Variants in GPHN observed in about 807,000 individuals in gnomAD.
GPHN encodes gephyrin.
In GPHN, 17 loss-of-function variants were observed where a neutral mutation model predicts 95.5. The observed-to-expected ratio is 0.18, with a 90% CI of 0.12 to 0.27. GPHN has a LOEUF of 0.27. GPHN is among the 10% of genes least tolerant of loss of function. The pLI is 1.00. For synonymous variants in GPHN, 320 were observed against 322.5 expected (o/e 0.99, Z 0.08); for missense variants, 660 against 978.1 (o/e 0.67, Z 4.34).
At chr14:67,563,147 C>T in the GPHN span, among the ~76,000 whole-genome samples, 1 of 152,286 alleles carries the variant, frequency 6.6e-6, no homozygotes, top group South Asian at 2.1e-4. Flanking sequence ...AGCTGGGTGC[C>T]CTGCATACCT....
chr14:66,965,459 T>C (rs1026079059), intron 9 of GPHN, 134 bp downstream of exon 9: 5 of 840,168 alleles, frequency 6.0e-6, no homozygotes, highest in Non-Finnish European at 1.0e-5. Flanking sequence ...AAGTGTAAGA[T>C]AGTTCCCACC....
At chr14:66,711,404 T>C (rs1388044217) in intron 2 of GPHN, among the ~76,000 whole-genome samples, 1 of 152,150 alleles carries the variant, frequency 6.6e-6, no homozygotes, top group East Asian at 1.9e-4. Context: ...TATTCCTTTG[T>C]ATATATATGC....
chr14:66,719,200 C>T (rs567475472), intron 2 of GPHN, among the ~76,000 whole-genome samples: 23 of 152,320 alleles, frequency 1.5e-4, no homozygotes, highest in Non-Finnish European at 2.4e-4. Flanking sequence ...CTGGAGATTT[C>T]CTTCTCCCTG....
chr14:67,551,334 G>A, the GPHN span, among the ~76,000 whole-genome samples: 3 of 152,154 alleles, frequency 2.0e-5, no homozygotes, highest in Non-Finnish European at 4.4e-5. Context: ...TGCCATCTTT[G>A]TATAGGACAA....
At chr14:67,577,940 G>T in the GPHN span, 3 of 1,284,122 alleles carry the variant, frequency 2.3e-6, no homozygotes, top group Admixed American at 1.9e-5. Flanking sequence ...CCTCCCTGGA[G>T]CCCTTGGAAA....
At chr14:67,023,785 AAT>A in intron 10 of GPHN, 110 bp downstream of exon 10, 1 of 840,400 alleles carries the variant, frequency 1.2e-6, no homozygotes. Context: ...TTATGTGACA[AAT>A]ATGAATATTA....
At chr14:67,199,792 A>AC in the GPHN span, 1 of 1,520,404 alleles carries the variant, frequency 6.6e-7, no homozygotes, top group Non-Finnish European at 8.9e-7. Context: ...GCTCCTTCCC[A>AC]CCCCCAGTGC....
the GPHN span, among the ~76,000 whole-genome samples, chr14:67,494,313 A>G: frequency 6.6e-6 from 1 of 152,248 alleles, no homozygotes; most frequent in Non-Finnish European, 1.5e-5. Context: ...TCATTAGGAC[A>G]GCCTCAAACC....
intron 1 of GPHN, among the ~76,000 whole-genome samples, chr14:66,628,576 C>T (rs2063609491): frequency 1.3e-5 from 2 of 151,960 alleles, no homozygotes; most frequent in African/African-American, 2.4e-5. Flanking sequence ...ATGGTGAAGG[C>T]CTAGGACTTT....
intron 8 of GPHN, among the ~76,000 whole-genome samples, chr14:66,929,872 C>T (rs969847857): frequency 3.9e-5 from 6 of 151,996 alleles, no homozygotes; most frequent in Admixed American, 2.0e-4. Flanking sequence ...CCACCACGCC[C>T]GGCTAATTTT....
intron 2 of GPHN, among the ~76,000 whole-genome samples, chr14:66,735,255 C>CT (rs2072154386): frequency 6.6e-6 from 1 of 152,084 alleles, no homozygotes; most frequent in Admixed American, 6.5e-5. Flanking sequence ...AAAGTACTAT[C>CT]TCAAGGTAGT....
chr14:67,375,874 T>C, the GPHN span, among the ~76,000 whole-genome samples: 4 of 152,196 alleles, frequency 2.6e-5, no homozygotes, highest in African/African-American at 9.6e-5. Context: ...ATTGTTAAAA[T>C]GAGTGTGTTA....
rs139116923 is a variant in GPHN, at chr14:67,027,471, C to T, written c.1006+3796C>T. 2.5e-3 allele frequency among the ~76,000 whole-genome samples: 379 copies of T among 152,232 alleles called. 9 individuals carry two copies. Among genetic ancestry groups the T allele is most frequent in the East Asian group, 0.017 (89 of 5,172 alleles). ...TCAGCCTCCTGAGTAGCTGGGACTA[C>T]AGGCTTGTGCCACCATGCCCAGCTA... On this transcript the variant is annotated intron_variant, in intron 10 of 22. Transcript: ENST00000478722.
Position 67,098,549 on chromosome 14 carries a change from C to G in GPHN, c.1238-2307C>G, listed in dbSNP as rs1474576999. On this transcript the variant is annotated intron_variant, in intron 12 of 22. Coordinates refer to ENST00000478722, the MANE Select transcript of GPHN (RefSeq NM_020806.5). ...AATGGGTCAGGCGCGGTGGCTTATGCCTGTAACCCCAGCATTTTGGGAGGC... is the reference window on the plus strand; with the variant it reads ...AATGGGTCAGGCGCGGTGGCTTATGGCTGTAACCCCAGCATTTTGGGAGGC... Among the ~76,000 whole-genome samples the G allele has an allele frequency of 4.6e-5, 7 of 152,026 alleles. No homozygotes were observed. The South Asian group carries it at 8.3e-4, about 18-fold the overall frequency.
intron 1 of GPHN, among the ~76,000 whole-genome samples, chr14:66,588,153 T>G (rs2061497846): frequency 6.6e-6 from 1 of 152,004 alleles, no homozygotes; most frequent in Admixed American, 6.5e-5. Flanking sequence ...GGGGCCTGAC[T>G]GTTAGAAGGA....
chr14:67,219,088 C>T, the GPHN span, among the ~76,000 whole-genome samples: 3 of 151,966 alleles, frequency 2.0e-5, no homozygotes, highest in Non-Finnish European at 2.9e-5. Context: ...AGCAGTTTGG[C>T]TCACAGGTGG....
rs188700481 is a variant in GPHN at position 67,043,296 on chromosome 14, C to A, written c.1007-15353C>A. ...AATAGGAGTGGTAAGAGAGGTCATC[C>A]TTGTCTTGTGCTGGTTTTCAAAGGG... On this transcript the variant is annotated intron_variant, in intron 10 of 22. Transcript: ENST00000478722. Among the ~76,000 whole-genome samples, 237 of 152,220 alleles carry A rather than the reference C, an allele frequency of 1.6e-3. 3 individuals carry two copies. The highest frequency in any genetic ancestry group is 1.7e-3 in the Non-Finnish European group (115 of 68,014).
At chr14:66,842,082 G>A (rs1209413668) in intron 4 of GPHN, among the ~76,000 whole-genome samples, 4 of 18,606 alleles carry the variant, frequency 2.1e-4, no homozygotes, top group Non-Finnish European at 5.4e-4. Context: ...CCCCAGCCCC[G>A]CCCAAAAAAA....
intron 13 of GPHN, among the ~76,000 whole-genome samples, chr14:67,106,712 G>A (rs1348548726): frequency 6.6e-6 from 1 of 151,814 alleles, no homozygotes; most frequent in Non-Finnish European, 1.5e-5. Context: ...GAATTGTTTT[G>A]CTGATTTTGT....
Sources: allele counts gnomAD v4.1 joint callset (sites outside exome capture counted in the v4.1 genomes callset), GRCh38; gene constraint gnomAD v4.1.1; transcripts MANE v1.5; gene names NCBI Gene and HGNC (gene_info 2026-07-23, HGNC 2026-07-21).